The following RBMS3 variants were observed in gnomAD, a reference collection of about 807,000 sequenced individuals.
RBMS3 encodes the protein RNA-binding motif, single-stranded-interacting protein 3.
RBMS3 carries 27 observed loss-of-function variants against 66.8 expected under a neutral mutation model. That is an observed-to-expected ratio of 0.40 (90% CI 0.30 to 0.56). The LOEUF (loss-of-function observed/expected upper bound fraction) is 0.56, where lower values mean the gene tolerates loss of function less well. Among genes scored for constraint, RBMS3 ranks in the 20% least tolerant of loss-of-function variants. The pLI, the probability that RBMS3 is intolerant of heterozygous loss-of-function variation, is 0.40. For synonymous variants in RBMS3, 188 were observed against 183.0 expected, an observed-to-expected ratio of 1.03 and a Z score of -0.22; for missense variants, 513 against 549.5, an observed-to-expected ratio of 0.93 and a Z score of 0.66.
chr3:29,758,977 G>T (rs1191394247), intron 5 of RBMS3, among the ~76,000 whole-genome samples: 4 of 152,116 alleles, frequency 2.6e-5, no homozygotes, highest in Non-Finnish European at 5.9e-5. Context: ...GACAGGATGG[G>T]TTTGTTTTAA....
chr3:29,732,635 G>A (rs910492917), intron 4 of RBMS3, among the ~76,000 whole-genome samples: 4 of 152,148 alleles, frequency 2.6e-5, no homozygotes, highest in Non-Finnish European at 4.4e-5. Context: ...GTTCGAATTA[G>A]TGTTAAACTA....
At chr3:29,995,156 T>C (rs1559874476) in intron 14 of RBMS3, among the ~76,000 whole-genome samples, 1 of 152,054 alleles carries the variant, frequency 6.6e-6, no homozygotes, top group Non-Finnish European at 1.5e-5. Flanking sequence ...TGCGATCAAC[T>C]GGAAGAAAGG....
chr3:29,567,173 C>A (rs542203843), intron 3 of RBMS3, among the ~76,000 whole-genome samples: 1 of 152,186 alleles, frequency 6.6e-6, no homozygotes, highest in Non-Finnish European at 1.5e-5. Flanking sequence ...TTTTCTCCCC[C>A]CACAGCACCT....
At chr3:29,583,540 C>G (rs1576292827) in intron 3 of RBMS3, among the ~76,000 whole-genome samples, 1 of 151,822 alleles carries the variant, frequency 6.6e-6, no homozygotes, top group East Asian at 1.9e-4. Flanking sequence ...GGTACAGTCC[C>G]AGTACCTGGG....
chr3:29,982,335 A>C (rs6805777), intron 12 of RBMS3, among the ~76,000 whole-genome samples: 26,301 of 150,400 alleles, frequency 0.17, 2,726 homozygotes, highest in East Asian at 0.37. Context: ...TCTGGCTAAT[A>C]GTCTATTTTG....
At chr3:29,987,273 A>G (rs1015268430) in intron 12 of RBMS3, among the ~76,000 whole-genome samples, 8 of 152,220 alleles carry the variant, frequency 5.3e-5, no homozygotes, top group Non-Finnish European at 1.2e-4. Flanking sequence ...GATTCCATAG[A>G]AAATTCAATT....
intron 2 of RBMS3, among the ~76,000 whole-genome samples, chr3:29,481,642 G>A (rs2043133211): frequency 1.3e-5 from 2 of 152,154 alleles, no homozygotes; most frequent in South Asian, 2.1e-4. Context: ...GTCTGAGCAA[G>A]TAACTAGGTA....
intron 6 of RBMS3, among the ~76,000 whole-genome samples, chr3:29,794,922 G>A (rs2057132457): frequency 6.6e-6 from 1 of 152,138 alleles, no homozygotes; most frequent in African/African-American, 2.4e-5. Flanking sequence ...CCTTTAAAAA[G>A]CATGTATCTT....
chr3:29,530,011 A>G (rs1278579232), intron 3 of RBMS3, among the ~76,000 whole-genome samples: 1 of 152,062 alleles, frequency 6.6e-6, no homozygotes, highest in Admixed American at 6.5e-5. Context: ...GTAAGTAAAT[A>G]TTTTCTTCAT....
chr3:30,003,888 A>G lies in RBMS3; in HGVS notation c.*26A>G. On this transcript the variant is annotated 3_prime_UTR_variant, in exon 15 of 15. Transcript: ENST00000383767. ...ACAGGACTGAAGAATGTCTGTCTGA[A>G]TCTTTGCCTTGAATGAAGAAACTTC... The G allele has an allele frequency of 5.5e-6, 8 of 1,443,536 alleles. No individual in the cohort carries two copies. The highest frequency in any genetic ancestry group is 7.3e-6 in the Non-Finnish European group (8 of 1,089,824). The allele number at this position is 1,443,536 out of a possible 1,614,324, so 89.4% of individuals were successfully genotyped here. A position where few individuals can be genotyped will look rare whatever the true frequency, so the allele number is the denominator to read the frequency against.
chr3:29,607,456 A>G (rs1307644713), intron 4 of RBMS3, among the ~76,000 whole-genome samples: 1 of 152,012 alleles, frequency 6.6e-6, no homozygotes, highest in East Asian at 1.9e-4. Context: ...TGCCTATTTT[A>G]TAAGGATATT....
intron 3 of RBMS3, among the ~76,000 whole-genome samples, chr3:29,553,416 T>C (rs2046240950): frequency 6.6e-6 from 1 of 152,014 alleles, no homozygotes; most frequent in Admixed American, 6.6e-5. Flanking sequence ...ATCTGATGGG[T>C]TGGAATGGCT....
chr3:29,623,006 A>G (rs2048921772), intron 4 of RBMS3, among the ~76,000 whole-genome samples: 1 of 150,954 alleles, frequency 6.6e-6, no homozygotes, highest in East Asian at 2.0e-4. Flanking sequence ...AGTCCCAGCT[A>G]CTAGGGAGGC....
chr3:29,745,694 C>G (rs1043232732), intron 5 of RBMS3, among the ~76,000 whole-genome samples: 2 of 152,102 alleles, frequency 1.3e-5, no homozygotes, highest in Non-Finnish European at 2.9e-5. Context: ...CCCTGGTGAG[C>G]TAAAGAGCGT....
rs1325201424 is a variant in RBMS3, at chr3:30,004,360, G to A, written c.*498G>A. On this transcript the variant is annotated 3_prime_UTR_variant, in exon 15 of 15. Coordinates refer to ENST00000383767, the MANE Select transcript of RBMS3 (RefSeq NM_001003793.3). The stretch of plus-strand genomic sequence containing the variant: ...TTATTTTATTTTTTCTTAGAAATAT[G>A]TAGGTAAGGTTTATCTTGAATCTTA... 6.6e-6 allele frequency: 1 copy of A among 151,950 alleles called. No individual in the cohort carries two copies. The highest frequency in any genetic ancestry group is 1.5e-5 in the Non-Finnish European group (1 of 67,796). 9.4% of individuals were successfully genotyped at this position (151,950 alleles called of 1,614,324 possible). A position where few individuals can be genotyped will look rare whatever the true frequency, so the allele number is the denominator to read the frequency against.
intron 1 of RBMS3, among the ~76,000 whole-genome samples, chr3:29,403,237 C>T (rs1372725183): frequency 6.6e-6 from 1 of 151,932 alleles, no homozygotes; most frequent in East Asian, 1.9e-4. Context: ...CAGGAAAATT[C>T]TTGACCACAC....
chr3:29,795,423 A>G (rs1176463239), intron 6 of RBMS3, among the ~76,000 whole-genome samples: 2 of 152,246 alleles, frequency 1.3e-5, no homozygotes, highest in East Asian at 3.8e-4. Context: ...AAGACAAAAT[A>G]CAGCATTATT....
intron 1 of RBMS3, among the ~76,000 whole-genome samples, chr3:29,331,568 C>G (rs2035654536): frequency 6.6e-6 from 1 of 152,136 alleles, no homozygotes; most frequent in Non-Finnish European, 1.5e-5. Context: ...TCATCTCAGA[C>G]CTTGCTTCCA....
At chr3:29,888,820 A>G (rs2059932993) in intron 8 of RBMS3, among the ~76,000 whole-genome samples, 2 of 151,646 alleles carry the variant, frequency 1.3e-5, no homozygotes, top group Non-Finnish European at 3.0e-5. Flanking sequence ...ATTCTTCACA[A>G]TAAAACTAGT....
Sources: gnomAD v4.1 joint callset for allele counts (sites outside exome capture counted in the v4.1 genomes callset) on GRCh38, gnomAD v4.1.1 for gene constraint, MANE v1.5 for transcripts, NCBI Gene and HGNC (gene_info 2026-07-23, HGNC 2026-07-21) for gene names.